Variants in COLEC11 observed in about 807,000 individuals in gnomAD.
COLEC11 encodes collectin-11.
In COLEC11, 20 loss-of-function variants were observed where a neutral mutation model predicts 27.3. The observed-to-expected ratio is 0.73, with a 90% CI of 0.51 to 1.06. COLEC11 has a LOEUF of 1.06. Ranked by LOEUF, COLEC11 falls within the 50% of genes least tolerant of loss-of-function variation. COLEC11 has a pLI of 0.00. For synonymous variants in COLEC11, 163 were observed against 154.7 expected, an observed-to-expected ratio of 1.05 and a Z score of -0.40; for missense variants, 310 against 383.0, an observed-to-expected ratio of 0.81 and a Z score of 1.59.
intron 3 of COLEC11, chr2:3,625,903 G>A (rs938477848): frequency 9.8e-7 from 1 of 1,016,856 alleles, no homozygotes; most frequent in South Asian, 1.3e-5. Flanking sequence ...AAAGTGCCGG[G>A]ATTATAGGCA....
chr2:3,627,508 G>A (rs1376738800), intron 3 of COLEC11, among the ~76,000 whole-genome samples: 2 of 150,640 alleles, frequency 1.3e-5, no homozygotes. Context: ...GTGGATCTGG[G>A]CATAATAACG....
chr2:3,599,843 G>A (rs1051057565), intron 1 of COLEC11, among the ~76,000 whole-genome samples: 2 of 152,248 alleles, frequency 1.3e-5, no homozygotes, highest in African/African-American at 4.8e-5. Context: ...GTGGCATGCA[G>A]TCTGCCTTAA....
At chr2:3,603,746 C>G in intron 1 of COLEC11, 3 of 1,377,590 alleles carry the variant, frequency 2.2e-6, no homozygotes, top group South Asian at 1.2e-5. Context: ...CTCCCCAGGC[C>G]CCTGGGTTCC....
intron 3 of COLEC11, among the ~76,000 whole-genome samples, chr2:3,629,500 A>G (rs993501059): frequency 7.2e-5 from 11 of 152,230 alleles, no homozygotes; most frequent in Non-Finnish European, 1.5e-4. Flanking sequence ...TCATGCACAC[A>G]CGTGCACATA....
At chr2:3,628,980 G>C (rs1664772266) in intron 3 of COLEC11, among the ~76,000 whole-genome samples, 1 of 152,180 alleles carries the variant, frequency 6.6e-6, no homozygotes, top group Non-Finnish European at 1.5e-5. Context: ...GGGGCATCAG[G>C]TGCTGCATTC....
intron 5 of COLEC11, 106 bp downstream of exon 5, chr2:3,640,437 C>T: frequency 2.8e-6 from 2 of 716,208 alleles, no homozygotes; most frequent in Non-Finnish European, 5.0e-6. Context: ...GACACCCACC[C>T]CTGTCACATC....
chr2:3,641,260 T>C (rs1558520657), intron 5 of COLEC11: 1 of 1,304,268 alleles, frequency 7.7e-7, no homozygotes, highest in South Asian at 1.2e-5. Flanking sequence ...ACCGCAGAGA[T>C]GAGGAGGAAC....
Position 3,604,448 on chromosome 2 carries a change from G to A in COLEC11, c.108G>A (p.Gln36=). The A allele has an allele frequency of 6.2e-7, 1 of 1,614,172 alleles. No homozygotes were observed. Among genetic ancestry groups the A allele is most frequent in the Non-Finnish European group, 8.5e-7 (1 of 1,180,048 alleles). The part of the protein sequence containing the change: ...QPAGDDACSV[Q]ILVPGLKGDA... ...CTGGCGATGACGCCTGCTCTGTGCA[G>A]ATCCTCGTCCCTGGCCTCAAAGGTA... The change falls in exon 2 of 7, where the codon CAG becomes CAA. Residue 36 remains glutamine (Q), a synonymous_variant. Transcript: ENST00000349077.
At chr2:3,637,486 G>C (rs3811526) in intron 3 of COLEC11, 47 bp from the exon 4 acceptor site, 1 of 1,480,306 alleles carries the variant, frequency 6.8e-7, no homozygotes, top group South Asian at 1.1e-5. Context: ...AGGAGGCCAC[G>C]GTGTCACCTG....
At chr2:3,623,411 A>G (rs936628322) in intron 3 of COLEC11, among the ~76,000 whole-genome samples, 9 of 152,138 alleles carry the variant, frequency 5.9e-5, no homozygotes, top group African/African-American at 1.7e-4. Context: ...TCCTAATACA[A>G]CTTCCATAAT....
intron 1 of COLEC11, among the ~76,000 whole-genome samples, chr2:3,596,759 G>A (rs1054007549): frequency 1.3e-5 from 2 of 152,174 alleles, no homozygotes; most frequent in East Asian, 3.9e-4. Context: ...TTGGGCCCTG[G>A]CTGGGAGATA....
At chr2:3,633,797 C>T (rs146000835) in intron 3 of COLEC11, among the ~76,000 whole-genome samples, 193 of 152,290 alleles carry the variant, frequency 1.3e-3, no homozygotes, top group African/African-American at 4.4e-3. Context: ...TGCGTGTTCC[C>T]GACCTTCCTC....
chr2:3,609,352 A>ATTTTTTTTTTTTTTTTTT (rs567474674), intron 2 of COLEC11, among the ~76,000 whole-genome samples: 2 of 87,492 alleles, frequency 2.3e-5, no homozygotes, highest in East Asian at 6.1e-4. Context: ...TTTTTCTTTG[A>ATTTTTTTTTTTTTTTTTT]TTTTTTTTTT....
intron 1 of COLEC11, among the ~76,000 whole-genome samples, chr2:3,598,728 G>A (rs992753735): frequency 1.3e-5 from 2 of 152,080 alleles, no homozygotes; most frequent in East Asian, 3.9e-4. Flanking sequence ...TGAGGGGTGT[G>A]GAGAGGAGGC....
rs543880608 is a variant in COLEC11 at position 3,641,462 on chromosome 2, C to T, written c.328+1131C>T. 6,630 of 1,250,472 alleles carry T rather than the reference C, an allele frequency of 5.3e-3. 74 individuals carry two copies. The highest frequency in any genetic ancestry group is 0.029 in the South Asian group (2,175 of 75,408). The allele number at this position is 1,250,472 out of a possible 1,614,324, so 77.5% of individuals were successfully genotyped here. A position where few individuals can be genotyped will look rare whatever the true frequency, so the allele number is the denominator to read the frequency against. On this transcript the variant is annotated intron_variant, in intron 5 of 6. Transcript: ENST00000349077. ...GTGACGGCGGGGCAAGGAGAGGGGA[C>T]GTCCCATCCCGGGGCTGAGCTGCTA...
intron 3 of COLEC11, among the ~76,000 whole-genome samples, chr2:3,616,585 C>T (rs1020972498): frequency 2.0e-4 from 31 of 152,368 alleles, no homozygotes; most frequent in East Asian, 1.9e-4. Flanking sequence ...AGCGAAACCC[C>T]GTCTCCACCA....
chr2:3,604,696 C>T (rs1662499040), intron 2 of COLEC11, among the ~76,000 whole-genome samples: 1 of 152,198 alleles, frequency 6.6e-6, no homozygotes, highest in Admixed American at 6.5e-5. Flanking sequence ...TTATTTGCAA[C>T]TCAGCCCTCT....
rs114011741 is a variant in COLEC11 at position 3,640,223 on chromosome 2, A to G, written c.275-55A>G. Reference sequence around the variant, plus strand: ...CATTTTCAGTCTTGATGTTTTTAACACATAGAACATGTCCATCTCTGCCTG... The same window carrying G: ...CATTTTCAGTCTTGATGTTTTTAACGCATAGAACATGTCCATCTCTGCCTG... On this transcript the variant is annotated intron_variant, in intron 4 of 6. Coordinates refer to ENST00000349077, the MANE Select transcript of COLEC11 (RefSeq NM_024027.5). 1,996 of 1,034,654 alleles carry G rather than the reference A, an allele frequency of 1.9e-3. 19 individuals are homozygous for G. In the African/African-American group the frequency reaches 0.028, roughly 14 times the overall value. The allele number at this position is 1,034,654 out of a possible 1,614,324, so 64.1% of individuals were successfully genotyped here. A position where few individuals can be genotyped will look rare whatever the true frequency, so the allele number is the denominator to read the frequency against.
At chr2:3,611,031 G>C (rs192878975) in intron 2 of COLEC11, among the ~76,000 whole-genome samples, 35 of 152,190 alleles carry the variant, frequency 2.3e-4, no homozygotes, top group African/African-American at 8.4e-4. Context: ...GTGGTTCTCC[G>C]CAGGCCCTTT....
Sources: allele counts gnomAD v4.1 joint callset (sites outside exome capture counted in the v4.1 genomes callset), GRCh38; gene constraint gnomAD v4.1.1; transcripts MANE v1.5; gene names NCBI Gene and HGNC (gene_info 2026-07-23, HGNC 2026-07-21).